Variants in MITF observed in about 807,000 individuals in gnomAD.
The protein encoded by MITF is melanocyte inducing transcription factor, also known as microphthalmia-associated transcription factor.
In MITF, 17 loss-of-function variants were observed where a neutral mutation model predicts 60.5. The observed-to-expected ratio is 0.28, with a 90% confidence interval of 0.19 to 0.42. The LOEUF (loss-of-function observed/expected upper bound fraction) is 0.42, where lower values mean the gene tolerates loss of function less well. Among genes scored for constraint, MITF ranks in the 10% least tolerant of loss-of-function variants. MITF has a pLI of 1.00. For missense variants in MITF, 622 were observed against 683.5 expected (o/e 0.91, Z 1.00); for synonymous variants, 260 against 248.5 (o/e 1.05, Z -0.43).
At chr3:69,878,640 C>T (rs936453368) in intron 1 of MITF, among the ~76,000 whole-genome samples, 1 of 152,102 alleles carries the variant, frequency 6.6e-6, no homozygotes, top group African/African-American at 2.4e-5. Flanking sequence ...TTCCTCTTGG[C>T]AAAGCTCACC....
chr3:69,814,418 T>C (rs2107013797), intron 1 of MITF, among the ~76,000 whole-genome samples: 1 of 152,258 alleles, frequency 6.6e-6, no homozygotes, highest in African/African-American at 2.4e-5. Flanking sequence ...TGCCTTAATT[T>C]CCCAGGCTCA....
intron 2 of MITF, among the ~76,000 whole-genome samples, chr3:69,895,059 T>C (rs1317537136): frequency 1.3e-5 from 2 of 152,164 alleles, no homozygotes; most frequent in Non-Finnish European, 2.9e-5. Flanking sequence ...ACTTCCCTCC[T>C]AGCCTGGACT....
intron 2 of MITF, among the ~76,000 whole-genome samples, chr3:69,899,544 C>T (rs1277161070): frequency 6.6e-6 from 1 of 152,148 alleles, no homozygotes; most frequent in African/African-American, 2.4e-5. Context: ...CTTTCTGAAC[C>T]AACATGGGTA....
At chr3:69,763,715 T>G in intron 1 of MITF, 1 of 1,330,008 alleles carries the variant, frequency 7.5e-7, no homozygotes. Context: ...AGCTCTCTTC[T>G]GTAGCTTGTT....
At chr3:69,861,800 T>C (rs111969762) in intron 1 of MITF, among the ~76,000 whole-genome samples, 1,551 of 152,256 alleles carry the variant, frequency 0.01, 24 homozygotes, top group African/African-American at 0.034. Context: ...TTTCCCAGAA[T>C]GTGAGTGTGA....
At chr3:69,956,942 A>G (rs1289511676) in intron 8 of MITF, among the ~76,000 whole-genome samples, 1 of 152,234 alleles carries the variant, frequency 6.6e-6, no homozygotes, top group Non-Finnish European at 1.5e-5. Context: ...ATGAACAGAC[A>G]TTAGAGACTT....
chr3:69,826,778 T>A (rs561322136), intron 1 of MITF, among the ~76,000 whole-genome samples: 6 of 152,354 alleles, frequency 3.9e-5, no homozygotes, highest in Non-Finnish European at 8.8e-5. Flanking sequence ...AAGCTGCCAT[T>A]ACTTTTTAAA....
At chr3:69,903,773 G>A (rs779847284) in intron 2 of MITF, among the ~76,000 whole-genome samples, 5 of 152,130 alleles carry the variant, frequency 3.3e-5, no homozygotes, top group Non-Finnish European at 5.9e-5. Flanking sequence ...TTCTGACTCT[G>A]CGTCAGCATG....
intron 1 of MITF, among the ~76,000 whole-genome samples, chr3:69,875,706 C>T (rs1051487742): frequency 2.0e-5 from 3 of 152,230 alleles, no homozygotes; most frequent in Admixed American, 6.5e-5. Context: ...CAATTTGGAG[C>T]TTAAGACATT....
At chr3:69,937,798 T>C in intron 2 of MITF, 24 bp from the exon 3 acceptor site, 2 of 1,605,436 alleles carry the variant, frequency 1.2e-6, no homozygotes, top group Non-Finnish European at 1.7e-6. Flanking sequence ...CGCTGTTTTC[T>C]TTTCCCTCCA....
At chr3:69,814,656 A>G (rs915021526) in intron 1 of MITF, among the ~76,000 whole-genome samples, 2 of 151,808 alleles carry the variant, frequency 1.3e-5, no homozygotes, top group African/African-American at 2.4e-5. Context: ...CTTTACTGCC[A>G]TTTGTGTGTG....
chr3:69,782,632 A>G (rs989469634), intron 1 of MITF, among the ~76,000 whole-genome samples: 4 of 152,194 alleles, frequency 2.6e-5, no homozygotes, highest in African/African-American at 9.6e-5. Flanking sequence ...ATGTTTGCAC[A>G]TGGCAGTATT....
intron 2 of MITF, among the ~76,000 whole-genome samples, chr3:69,917,690 T>C (rs1329995282): frequency 6.6e-6 from 1 of 152,140 alleles, no homozygotes; most frequent in Non-Finnish European, 1.5e-5. Flanking sequence ...TCGTAAAATG[T>C]AATTTAAATT....
intron 3 of MITF, chr3:69,938,727 T>C (rs1017331092): frequency 7.7e-7 from 1 of 1,306,234 alleles, no homozygotes; most frequent in Admixed American, 3.7e-5. Context: ...TGTGATTTAA[T>C]GCTCATTATT....
chr3:69,831,708 T>TA, intron 1 of MITF, among the ~76,000 whole-genome samples: 1 of 152,324 alleles, frequency 6.6e-6, no homozygotes, highest in South Asian at 2.1e-4. Flanking sequence ...ATTTGAATCT[T>TA]ACAGTTAATC....
At chr3:69,795,200 T>C (rs1243455808) in intron 1 of MITF, among the ~76,000 whole-genome samples, 1 of 152,224 alleles carries the variant, frequency 6.6e-6, no homozygotes, top group Non-Finnish European at 1.5e-5. Flanking sequence ...ATAGATTTTC[T>C]TTTAAAATCT....
chr3:69,781,691 A>G (rs1231582317), intron 1 of MITF, among the ~76,000 whole-genome samples: 1 of 152,172 alleles, frequency 6.6e-6, no homozygotes, highest in Non-Finnish European at 1.5e-5. Flanking sequence ...TGCAAATAAG[A>G]AAAGGGTGAA....
At chr3:69,909,236 T>A (rs2065169479) in intron 2 of MITF, among the ~76,000 whole-genome samples, 1 of 152,196 alleles carries the variant, frequency 6.6e-6, no homozygotes, top group Non-Finnish European at 1.5e-5. Flanking sequence ...TTTTGCTTCC[T>A]CCTCATTTTC....
At chr3:69,771,245 A>G (rs1373862480) in intron 1 of MITF, among the ~76,000 whole-genome samples, 1 of 113,882 alleles carries the variant, frequency 8.8e-6, no homozygotes, top group Non-Finnish European at 2.1e-5. Flanking sequence ...CCGTTTAAAC[A>G]TGGGTTTTTT....
Sources: allele counts gnomAD v4.1 joint callset (sites outside exome capture counted in the v4.1 genomes callset), GRCh38; gene constraint gnomAD v4.1.1; transcripts MANE v1.5; gene names NCBI Gene and HGNC (gene_info 2026-07-23, HGNC 2026-07-21).